KIAA1217: variants seen among roughly 807,000 people sequenced by gnomAD.
The protein encoded by KIAA1217 is KIAA1217, also known as sickle tail protein homolog.
Under a neutral mutation model 163.9 loss-of-function variants are expected in KIAA1217, and 88 were observed. That is an observed-to-expected ratio of 0.54 (90% CI 0.45 to 0.64). The LOEUF is 0.64. Ranked by LOEUF, KIAA1217 falls within the 30% of genes least tolerant of loss-of-function variation. The probability of loss-of-function intolerance (pLI) is 0.00; values close to 1 mark genes in which losing one functional copy is unlikely to be tolerated. For missense variants in KIAA1217, 2,372 were observed against 2,475.0 expected, an observed-to-expected ratio of 0.96 and a Z score of 0.88; for synonymous variants, 903 against 923.1, an observed-to-expected ratio of 0.98 and a Z score of 0.39.
At position 24,118,706 on chromosome 10, in the gene KIAA1217, CT is replaced by C. The variant is rs72027993; in HGVS notation, c.-170-100908del. Among the ~76,000 whole-genome samples, 672 of 144,372 alleles carry C rather than the reference CT, an allele frequency of 4.7e-3. 2 individuals carry two copies. The highest frequency in any genetic ancestry group is 0.011 in the African/African-American group (448 of 39,456). 94.7% of individuals were successfully genotyped at this position (144,372 alleles called of 152,430 possible). A position where few individuals can be genotyped will look rare whatever the true frequency, so the allele number is the denominator to read the frequency against. The stretch of plus-strand genomic sequence containing the variant: ...TTTTGTTACTTACATCCTGGATTTG[CT>C]TTTTTTTTTTTAAAGGCAGCTTTGT... On this transcript the variant is annotated intron_variant, in intron 2 of 18. Coordinates refer to the KIAA1217 transcript ENST00000376462.
chr10:24,281,322 A>G (rs1350776391), intron 2 of KIAA1217, among the ~76,000 whole-genome samples: 1 of 152,198 alleles, frequency 6.6e-6, no homozygotes, highest in Non-Finnish European at 1.5e-5. Flanking sequence ...TTCAGTATAC[A>G]TGAATTACAA....
chr10:24,389,576 T>C (rs1363354888), intron 3 of KIAA1217, among the ~76,000 whole-genome samples: 2 of 149,256 alleles, frequency 1.3e-5, no homozygotes, highest in African/African-American at 2.5e-5. Context: ...AGAAAGAAAA[T>C]ACAACAACAA....
intron 1 of KIAA1217, among the ~76,000 whole-genome samples, chr10:23,954,665 GA>G (rs1039815104): frequency 2.0e-5 from 3 of 150,922 alleles, no homozygotes; most frequent in East Asian, 1.9e-4. Context: ...AAAGAAGGAA[GA>G]AAAAAAAGGA....
chr10:24,306,155 C>T (rs2041985765), intron 2 of KIAA1217, among the ~76,000 whole-genome samples: 6 of 152,170 alleles, frequency 3.9e-5, no homozygotes, highest in Admixed American at 3.9e-4. Context: ...TTTGATCACT[C>T]TTCAGGCATT....
chr10:23,991,314 T>C (rs572887022), intron 1 of KIAA1217, among the ~76,000 whole-genome samples: 6 of 152,344 alleles, frequency 3.9e-5, no homozygotes, highest in South Asian at 2.1e-4. Flanking sequence ...CCTGTTTCCA[T>C]TGACTTCTCA....
chr10:24,270,654 C>A (rs1389910624), intron 2 of KIAA1217, among the ~76,000 whole-genome samples: 1 of 152,196 alleles, frequency 6.6e-6, no homozygotes, highest in Non-Finnish European at 1.5e-5. Context: ...GATTCTCCTG[C>A]CTCAGCCGCC....
chr10:24,351,155 A>G (rs1001023777), intron 2 of KIAA1217, among the ~76,000 whole-genome samples: 2 of 152,030 alleles, frequency 1.3e-5, no homozygotes, highest in Admixed American at 6.6e-5. Flanking sequence ...CCCATGTTGG[A>G]CAGGCTGGTC....
At position 23,932,696 on chromosome 10, in the gene KIAA1217, A is replaced by C. The variant is rs16924090; in HGVS notation, c.-320-74529A>C. 8.3e-3 allele frequency among the ~76,000 whole-genome samples: 1,263 copies of C among 152,336 alleles called. 20 individuals carry two copies. The highest frequency in any genetic ancestry group is 0.027 in the African/African-American group (1,135 of 41,566). The stretch of plus-strand genomic sequence containing the variant: ...TTTACTATTTGTTTTTACATTAAAA[A>C]ACATGAGTTCTGAAGTCCTGAGATG... On this transcript the variant is annotated intron_variant, in intron 1 of 18. Coordinates refer to the KIAA1217 transcript ENST00000376462.
chr10:24,015,919 C>A (rs1042148036), intron 2 of KIAA1217, among the ~76,000 whole-genome samples: 10 of 151,558 alleles, frequency 6.6e-5, no homozygotes, highest in African/African-American at 1.7e-4. Flanking sequence ...AAAAAAAAAA[C>A]CAGGATATGC....
rs569633830 is a variant in KIAA1217 at position 23,766,594 on chromosome 10, CT to C, written c.-321+71372del. Among the ~76,000 whole-genome samples the C allele has an allele frequency of 9.3e-3, 1,189 of 127,572 alleles. 15 individuals are homozygous for C. Among genetic ancestry groups the C allele is most frequent in the African/African-American group, 0.032 (1,092 of 33,640 alleles). 83.7% of individuals were successfully genotyped at this position (127,572 alleles called of 152,430 possible). On this transcript the variant is annotated intron_variant, in intron 1 of 18. Coordinates refer to the KIAA1217 transcript ENST00000376462. ...TTTTTTTTTTCTTTCTTTCTTTTTT[CT>C]TTTTTTTTTTTGAGACAGCGTCTCA...
In KIAA1217 at chr10:24,424,853, G is replaced by A. The variant is rs146577817; in HGVS notation, c.554-8142G>A. Among the ~76,000 whole-genome samples, 741 of 152,180 alleles carry A rather than the reference G, an allele frequency of 4.9e-3. 2 individuals carry two copies. Among genetic ancestry groups the A allele is most frequent in the African/African-American group, 0.016 (653 of 41,518 alleles). On this transcript the variant is annotated intron_variant, in intron 3 of 20. Coordinates refer to ENST00000376454, the MANE Select transcript of KIAA1217 (RefSeq NM_019590.5). ...CCTGACCTTGTGATCTGCCCACCTCGGCCTCCCACAGTGCTGGGATTATAG... is the reference window on the plus strand; with the variant it reads ...CCTGACCTTGTGATCTGCCCACCTCAGCCTCCCACAGTGCTGGGATTATAG...
intron 2 of KIAA1217, among the ~76,000 whole-genome samples, chr10:24,222,586 C>T (rs2069811087): frequency 6.6e-6 from 1 of 152,170 alleles, no homozygotes; most frequent in South Asian, 2.1e-4. Flanking sequence ...CCTCCACTCA[C>T]TTCAACCTCC....
At chr10:24,161,964 A>G (rs959569545) in intron 2 of KIAA1217, among the ~76,000 whole-genome samples, 2 of 152,212 alleles carry the variant, frequency 1.3e-5, no homozygotes, top group Non-Finnish European at 2.9e-5. Context: ...GCTCAAACTT[A>G]ACAATGAAGA....
At chr10:24,418,725 G>C (rs893667027) in intron 3 of KIAA1217, among the ~76,000 whole-genome samples, 1 of 152,062 alleles carries the variant, frequency 6.6e-6, no homozygotes, top group Non-Finnish European at 1.5e-5. Context: ...CTCCTAGGGG[G>C]CAGTGTTTGT....
chr10:23,707,871 G>A (rs2130726201), intron 1 of KIAA1217, among the ~76,000 whole-genome samples: 1 of 152,132 alleles, frequency 6.6e-6, no homozygotes, highest in Middle Eastern at 3.4e-3. Flanking sequence ...ACATTTTTGA[G>A]ACTCAAAGTG....
intron 8 of KIAA1217, among the ~76,000 whole-genome samples, chr10:24,496,135 C>T (rs2066753552): frequency 6.6e-6 from 1 of 152,252 alleles, no homozygotes; most frequent in Non-Finnish European, 1.5e-5. Context: ...TAGTTTTGTG[C>T]AGCACGGTAG....
intron 1 of KIAA1217, among the ~76,000 whole-genome samples, chr10:23,746,162 A>G (rs1303615561): frequency 6.6e-6 from 1 of 152,166 alleles, no homozygotes; most frequent in Non-Finnish European, 1.5e-5. Context: ...AGCAGTAATG[A>G]GTAAGTTCTT....
At position 23,882,175 on chromosome 10, in the gene KIAA1217, C is replaced by G. The variant is rs867096315; in HGVS notation, c.-320-125050C>G. The stretch of plus-strand genomic sequence containing the variant: ...TTTATTTCTGTAAAATAATCTATAC[C>G]AAATACACTATCACATTCATATTCT... On this transcript the variant is annotated intron_variant, in intron 1 of 18. Coordinates refer to the KIAA1217 transcript ENST00000376462. Among the ~76,000 whole-genome samples, 4 of 151,840 alleles carry G rather than the reference C, an allele frequency of 2.6e-5. No individual in the cohort carries two copies. The East Asian group carries it at 7.8e-4, about 30-fold the overall frequency.
At position 23,945,272 on chromosome 10, in the gene KIAA1217, A is replaced by G. The variant is rs77163591; in HGVS notation, c.-320-61953A>G. On this transcript the variant is annotated intron_variant, in intron 1 of 18. Coordinates refer to the KIAA1217 transcript ENST00000376462. ...AGGATAAACAAACTGTGCTATTTTCATAAAATGGAACACAACACAGCAATA... is the reference window on the plus strand; with the variant it reads ...AGGATAAACAAACTGTGCTATTTTCGTAAAATGGAACACAACACAGCAATA... Among the ~76,000 whole-genome samples, 1,485 of 152,314 alleles carry G rather than the reference A, an allele frequency of 9.7e-3. 29 individuals are homozygous for G. Among genetic ancestry groups the G allele is most frequent in the African/African-American group, 0.034 (1,406 of 41,554 alleles).
Sources: allele counts gnomAD v4.1 joint callset (sites outside exome capture counted in the v4.1 genomes callset), GRCh38; gene constraint gnomAD v4.1.1; transcripts MANE v1.5; gene names NCBI Gene and HGNC (gene_info 2026-07-23, HGNC 2026-07-21).